The following SGCZ variants were observed in gnomAD, a reference collection of about 807,000 sequenced individuals.
SGCZ encodes the protein sarcoglycan zeta.
A neutral mutation model predicts 41.3 loss-of-function variants in SGCZ; 40 were observed. The observed-to-expected ratio is 0.97, with a 90% confidence interval of 0.75 to 1.26. SGCZ has a LOEUF of 1.26. Among genes scored for constraint, SGCZ ranks in the 50% most tolerant of loss-of-function variants. The pLI is 0.00. For synonymous variants in SGCZ, 206 were observed against 137.5 expected, an observed-to-expected ratio of 1.50 and a Z score of -3.49; for missense variants, 552 against 369.8, an observed-to-expected ratio of 1.49 and a Z score of -4.04.
intron 1 of SGCZ, among the ~76,000 whole-genome samples, chr8:15,205,203 A>G (rs770945309): frequency 2.0e-5 from 3 of 152,172 alleles, no homozygotes; most frequent in Non-Finnish European, 4.4e-5. Flanking sequence ...AGGGGCAAAG[A>G]TTTCATTACA....
chr8:15,138,061 A>C (rs1160236426), intron 1 of SGCZ, among the ~76,000 whole-genome samples: 3 of 152,150 alleles, frequency 2.0e-5, no homozygotes, highest in Non-Finnish European at 4.4e-5. Flanking sequence ...ATGGGAGTTC[A>C]CCTCTTGCAT....
rs533346241 is a variant in SGCZ, at chr8:15,178,928, A to G, written c.39+58657T>C. On this transcript the variant is annotated intron_variant, in intron 1 of 7. Coordinates refer to ENST00000382080, the MANE Select transcript of SGCZ (RefSeq NM_139167.4). The stretch of plus-strand genomic sequence containing the variant: ...AAGAGATAGCATATTGGTTCTAAAC[A>G]TAGTGAAGTCAACTTAGAAAATATG... 3.9e-5 allele frequency among the ~76,000 whole-genome samples: 6 copies of G among 152,350 alleles called. No individual in the cohort carries two copies. In the East Asian group the frequency reaches 1.2e-3, roughly 29 times the overall value.
intron 2 of SGCZ, among the ~76,000 whole-genome samples, chr8:14,512,432 G>A (rs962439457): frequency 1.3e-5 from 2 of 151,840 alleles, no homozygotes; most frequent in African/African-American, 4.8e-5. Flanking sequence ...GTGTATTAAT[G>A]TAGATTACAG....
chr8:14,984,578 C>T (rs1801770615), intron 1 of SGCZ, among the ~76,000 whole-genome samples: 1 of 151,988 alleles, frequency 6.6e-6, no homozygotes, highest in East Asian at 1.9e-4. Context: ...TGCAACCACA[C>T]AATATCATTT....
intron 1 of SGCZ, among the ~76,000 whole-genome samples, chr8:14,966,741 T>C (rs1448337175): frequency 6.6e-6 from 1 of 152,170 alleles, no homozygotes; most frequent in Non-Finnish European, 1.5e-5. Flanking sequence ...GGTTGTTTTC[T>C]TTTGTTTTAA....
chr8:15,222,001 G>C (rs1170806829), intron 1 of SGCZ, among the ~76,000 whole-genome samples: 1 of 152,068 alleles, frequency 6.6e-6, no homozygotes, highest in Non-Finnish European at 1.5e-5. Context: ...AAAATGCATA[G>C]AATTACATCA....
In SGCZ at chr8:14,579,659, T is replaced by C. The variant is rs150139873; in HGVS notation, c.40-24733A>G. Among the ~76,000 whole-genome samples the C allele has an allele frequency of 2.8e-3, 429 of 152,352 alleles. 3 individuals are homozygous for C. The highest frequency in any genetic ancestry group is 1.0e-2 in the African/African-American group (414 of 41,588). Reference sequence around the variant, plus strand: ...ATCCTATATCTTCAGTTTTGTTAAATTTCCCTACTATTCTCTGCTTTGGGC... The same window carrying C: ...ATCCTATATCTTCAGTTTTGTTAAACTTCCCTACTATTCTCTGCTTTGGGC... On this transcript the variant is annotated intron_variant, in intron 1 of 7. Transcript: ENST00000382080.
chr8:14,735,001 G>GT (rs1310253780), intron 1 of SGCZ, among the ~76,000 whole-genome samples: 1 of 152,110 alleles, frequency 6.6e-6, no homozygotes, highest in African/African-American at 2.4e-5. Flanking sequence ...CTTCAAAGTA[G>GT]TAAGACAATG....
intron 2 of SGCZ, among the ~76,000 whole-genome samples, chr8:14,343,468 G>T (rs571139277): frequency 6.6e-6 from 1 of 152,306 alleles, no homozygotes; most frequent in South Asian, 2.1e-4. Context: ...GATGAAGAGA[G>T]TTATAACTTG....
intron 1 of SGCZ, among the ~76,000 whole-genome samples, chr8:14,835,301 C>A (rs1381519537): frequency 1.3e-5 from 2 of 152,202 alleles, no homozygotes; most frequent in Middle Eastern, 3.4e-3. Context: ...ACTAGGATTC[C>A]AAATAAATAC....
intron 2 of SGCZ, among the ~76,000 whole-genome samples, chr8:14,541,208 C>T (rs12680412): frequency 0.27 from 41,548 of 151,630 alleles, 7,180 homozygotes; most frequent in Non-Finnish European, 0.39. Context: ...TAGGTATACA[C>T]GTGCCATGGT....
At chr8:14,093,169 G>A (rs1361372514) in intron 7 of SGCZ, among the ~76,000 whole-genome samples, 3 of 152,080 alleles carry the variant, frequency 2.0e-5, no homozygotes, top group Non-Finnish European at 4.4e-5. Context: ...AGGAGTAGGA[G>A]AGAATATTCT....
At chr8:14,206,899 A>G (rs973658935) in intron 4 of SGCZ, among the ~76,000 whole-genome samples, 4 of 152,156 alleles carry the variant, frequency 2.6e-5, no homozygotes, top group Non-Finnish European at 5.9e-5. Flanking sequence ...AACACCTGGG[A>G]ATAGACCTGG....
chr8:14,550,966 A>G lies in SGCZ; in HGVS notation c.234+3766T>C, dbSNP rs527411437. ...CTTTCAGCCAACTTTCTTCCCAATG[A>G]TCACGCAAGACTTCTTTCCCCAATT... On this transcript the variant is annotated intron_variant, in intron 2 of 7. Coordinates refer to ENST00000382080, the MANE Select transcript of SGCZ (RefSeq NM_139167.4). Among the ~76,000 whole-genome samples the G allele has an allele frequency of 2.0e-5, 3 of 152,120 alleles. No homozygotes were observed. In the East Asian group the frequency reaches 5.8e-4, roughly 30 times the overall value.
At chr8:14,208,569 G>A (rs1415811545) in intron 4 of SGCZ, among the ~76,000 whole-genome samples, 2 of 152,066 alleles carry the variant, frequency 1.3e-5, no homozygotes, top group Non-Finnish European at 2.9e-5. Flanking sequence ...TCAAAGTGGT[G>A]TTTATGAAAC....
At chr8:15,226,158 C>A (rs1490816496) in intron 1 of SGCZ, among the ~76,000 whole-genome samples, 2 of 152,190 alleles carry the variant, frequency 1.3e-5, no homozygotes, top group Admixed American at 6.5e-5. Context: ...CTTGGCCTGT[C>A]TTCCTTGAAA....
chr8:14,978,683 G>A (rs1253903665), intron 1 of SGCZ, among the ~76,000 whole-genome samples: 2 of 151,962 alleles, frequency 1.3e-5, no homozygotes, highest in Admixed American at 6.6e-5. Context: ...TGCATTCTAT[G>A]CTATGAAATA....
chr8:14,644,529 A>G (rs985996472), intron 1 of SGCZ, among the ~76,000 whole-genome samples: 1 of 151,752 alleles, frequency 6.6e-6, no homozygotes, highest in Non-Finnish European at 1.5e-5. Context: ...GTCTCTCTTT[A>G]TCTCTCCTTC....
intron 1 of SGCZ, among the ~76,000 whole-genome samples, chr8:14,731,098 T>C (rs1810223753): frequency 6.6e-6 from 1 of 151,884 alleles, no homozygotes. Flanking sequence ...ATGTTTATTG[T>C]GGCACTGTTC....
Sources: allele counts gnomAD v4.1 joint callset (sites outside exome capture counted in the v4.1 genomes callset), GRCh38; gene constraint gnomAD v4.1.1; transcripts MANE v1.5; gene names NCBI Gene and HGNC (gene_info 2026-07-23, HGNC 2026-07-21).